The following ANKRD7 variants were observed in gnomAD, a reference collection of about 807,000 sequenced individuals.
The protein encoded by ANKRD7 is ankyrin repeat domain 7.
ANKRD7 carries 30 observed loss-of-function variants against 30.8 expected under a neutral mutation model. The ratio of observed to expected loss-of-function variants is 0.97; its 90% CI spans 0.73 to 1.32. The LOEUF (loss-of-function observed/expected upper bound fraction) is 1.32, where lower values mean the gene tolerates loss of function less well. Among genes scored for constraint, ANKRD7 ranks in the 40% most tolerant of loss-of-function variants. The probability of loss-of-function intolerance (pLI) is 0.00; values close to 1 mark genes in which losing one functional copy is unlikely to be tolerated. For synonymous variants in ANKRD7, 97 were observed against 106.6 expected (o/e 0.91, Z 0.55); for missense variants, 264 against 295.7 (o/e 0.89, Z 0.79).
chr7:118,233,284 CTGTTA>C (rs1350404700), intron 1 of ANKRD7, among the ~76,000 whole-genome samples: 1 of 151,922 alleles, frequency 6.6e-6, no homozygotes, highest in Non-Finnish European at 1.5e-5. Context: ...TGGTTTTATT[CTGTTA>C]TGTTAGCTGA....
chr7:118,232,226 T>C (rs564564403), intron 1 of ANKRD7, among the ~76,000 whole-genome samples: 1 of 152,118 alleles, frequency 6.6e-6, no homozygotes, highest in African/African-American at 2.4e-5. Flanking sequence ...AATTGTGAGC[T>C]CTAAAATTTA....
intron 6 of ANKRD7, 45 bp downstream of exon 6, chr7:118,240,043 A>G (rs995829235): frequency 2.6e-6 from 3 of 1,165,846 alleles, no homozygotes; most frequent in South Asian, 5.2e-5. Context: ...GTTGCTTTTT[A>G]TTTGTTAATT....
intron 6 of ANKRD7, among the ~76,000 whole-genome samples, chr7:118,240,365 A>C (rs1034341195): frequency 4.7e-5 from 7 of 149,774 alleles, no homozygotes; most frequent in Non-Finnish European, 1.0e-4. Flanking sequence ...TCCTGTGTCC[A>C]TGTGATCTCA....
chr7:118,232,732 G>GTA (rs1269824187), intron 1 of ANKRD7, among the ~76,000 whole-genome samples: 1 of 151,722 alleles, frequency 6.6e-6, no homozygotes, highest in Admixed American at 6.6e-5. Context: ...GTGTGTGTGT[G>GTA]TGTGTGTGTG....
intron 3 of ANKRD7, among the ~76,000 whole-genome samples, chr7:118,235,482 G>A (rs1048197290): frequency 1.3e-5 from 2 of 151,798 alleles, no homozygotes; most frequent in African/African-American, 4.8e-5. Context: ...CGTCGTGGTA[G>A]GCGCCTGTAG....
intron 1 of ANKRD7, among the ~76,000 whole-genome samples, chr7:118,231,227 T>C (rs1379990633): frequency 6.6e-6 from 1 of 152,110 alleles, no homozygotes; most frequent in Admixed American, 6.5e-5. Flanking sequence ...AATAGCTCCC[T>C]GTTAATGTGC....
intron 1 of ANKRD7, among the ~76,000 whole-genome samples, chr7:118,226,630 G>C (rs766381738): frequency 3.3e-5 from 5 of 152,158 alleles, no homozygotes; most frequent in Non-Finnish European, 7.4e-5. Context: ...TCTTCACATT[G>C]AGTAGATGGA....
intron 1 of ANKRD7, among the ~76,000 whole-genome samples, chr7:118,229,635 G>T (rs1809601471): frequency 6.6e-6 from 1 of 152,074 alleles, no homozygotes; most frequent in Non-Finnish European, 1.5e-5. Context: ...TCTTGAAAGT[G>T]TCATGCTAAC....
chr7:118,229,132 A>C (rs959761979), intron 1 of ANKRD7, among the ~76,000 whole-genome samples: 2 of 152,118 alleles, frequency 1.3e-5, no homozygotes, highest in African/African-American at 4.8e-5. Context: ...GAAATGCAAG[A>C]CATGCATTTA....
At chr7:118,226,383 T>C (rs1433170603) in intron 1 of ANKRD7, among the ~76,000 whole-genome samples, 1 of 152,108 alleles carries the variant, frequency 6.6e-6, no homozygotes, top group Non-Finnish European at 1.5e-5. Flanking sequence ...GAAGTAAAAA[T>C]TTGCTAATAA....
At chr7:118,227,839 A>AGGT in intron 1 of ANKRD7, 23 of 1,281,080 alleles carry the variant, frequency 1.8e-5, no homozygotes, top group Non-Finnish European at 2.3e-5. Flanking sequence ...CTTTCATCAC[A>AGGT]GGTGGGTAAG....
intron 3 of ANKRD7, 116 bp from the exon 4 acceptor site, chr7:118,235,925 A>G: frequency 1.9e-6 from 1 of 528,456 alleles, no homozygotes; most frequent in Non-Finnish European, 3.4e-6. Context: ...AAATCTTTTA[A>G]GAGTTAAAGT....
chr7:118,230,230 G>GA (rs1676979818), intron 1 of ANKRD7, among the ~76,000 whole-genome samples: 1 of 151,982 alleles, frequency 6.6e-6, no homozygotes, highest in African/African-American at 2.4e-5. Flanking sequence ...AAGAGGATAT[G>GA]AAATTATCTC....
chr7:118,232,231 A>T (rs1177626517), intron 1 of ANKRD7, among the ~76,000 whole-genome samples: 1 of 152,020 alleles, frequency 6.6e-6, no homozygotes, highest in Non-Finnish European at 1.5e-5. Flanking sequence ...TGAGCTCTAA[A>T]ATTTAAGGAC....
intron 1 of ANKRD7, among the ~76,000 whole-genome samples, chr7:118,225,307 C>T (rs554403503): frequency 1.3e-5 from 2 of 152,034 alleles, no homozygotes; most frequent in South Asian, 2.1e-4. Flanking sequence ...GCCAACATGG[C>T]GAAACCCCGT....
chr7:118,239,405 A>T (rs1307397412), intron 5 of ANKRD7, among the ~76,000 whole-genome samples: 1 of 152,124 alleles, frequency 6.6e-6, no homozygotes, highest in Non-Finnish European at 1.5e-5. Flanking sequence ...ATTGCCTTCC[A>T]CAATGTCAGT....
chr7:118,237,965 A>AT (rs1398845111), intron 5 of ANKRD7, among the ~76,000 whole-genome samples: 2 of 152,074 alleles, frequency 1.3e-5, no homozygotes, highest in Non-Finnish European at 2.9e-5. Context: ...TTTATGTATG[A>AT]TTTTTTTCCA....
chr7:118,236,993 C>G, intron 5 of ANKRD7, 67 bp downstream of exon 5: 1 of 1,542,496 alleles, frequency 6.5e-7, no homozygotes, highest in Admixed American at 1.7e-5. Flanking sequence ...AGCCTAAGCC[C>G]CAAAGTACAA....
intron 6 of ANKRD7, among the ~76,000 whole-genome samples, chr7:118,240,310 C>T (rs1809807274): frequency 6.6e-6 from 1 of 152,074 alleles, no homozygotes. Context: ...TATCCTTCCC[C>T]CCTCCCCCCA....
Sources: allele counts gnomAD v4.1 joint callset (sites outside exome capture counted in the v4.1 genomes callset), GRCh38; gene constraint gnomAD v4.1.1; transcripts MANE v1.5; gene names NCBI Gene and HGNC (gene_info 2026-07-23, HGNC 2026-07-21).